NBEA: variants seen among roughly 807,000 people sequenced by gnomAD.
NBEA encodes lysosomal-trafficking regulator 2.
NBEA carries 44 observed loss-of-function variants against 343.4 expected under a neutral mutation model. The observed-to-expected ratio is 0.13, with a 90% CI of 0.10 to 0.16. The LOEUF (loss-of-function observed/expected upper bound fraction) is 0.16. NBEA is among the 10% of genes least tolerant of loss of function. The pLI, the probability that NBEA is intolerant of heterozygous loss-of-function variation, is 1.00. For missense variants in NBEA, 2,555 were observed against 3,631.3 expected, an observed-to-expected ratio of 0.70 and a Z score of 7.62; for synonymous variants, 1,175 against 1,238.7, an observed-to-expected ratio of 0.95 and a Z score of 1.08.
chr13:35,653,032 A>C (rs537512506), intron 53 of NBEA, among the ~76,000 whole-genome samples: 1 of 151,926 alleles, frequency 6.6e-6, no homozygotes. Context: ...TTTTAAACTG[A>C]CATGTTGTAA....
Position 35,354,798 on chromosome 13 carries a change from C to G in NBEA, c.6179+2475C>G, listed in dbSNP as rs533861319. Among the ~76,000 whole-genome samples, 15 of 152,194 alleles carry G rather than the reference C, an allele frequency of 9.9e-5. No homozygotes were observed. The East Asian group carries it at 2.9e-3, about 29-fold the overall frequency. On this transcript the variant is annotated intron_variant, in intron 38 of 58. Coordinates refer to ENST00000379939, the MANE Select transcript of NBEA (RefSeq NM_001385012.1). The stretch of plus-strand genomic sequence containing the variant: ...TATCTAGTCCCATGATTTAAAAATA[C>G]TACTAATATGTTGATAACTCCAAAA...
chr13:35,267,065 T>C (rs987307333), intron 34 of NBEA, among the ~76,000 whole-genome samples: 10 of 152,078 alleles, frequency 6.6e-5, no homozygotes, highest in African/African-American at 2.4e-4. Context: ...AGTGGATCAC[T>C]ATAAAGGTCT....
At chr13:34,976,385 G>A (rs534316377) in intron 1 of NBEA, among the ~76,000 whole-genome samples, 22 of 152,190 alleles carry the variant, frequency 1.4e-4, no homozygotes, top group African/African-American at 5.3e-4. Context: ...GGACACAAAG[G>A]CCTAAGAATG....
chr13:35,121,042 A>G (rs1487450161), intron 16 of NBEA, among the ~76,000 whole-genome samples: 1 of 151,588 alleles, frequency 6.6e-6, no homozygotes, highest in Non-Finnish European at 1.5e-5. Flanking sequence ...GACAATAGAA[A>G]CTCTGTGAGA....
At chr13:35,249,658 A>T (rs1486878916) in intron 34 of NBEA, among the ~76,000 whole-genome samples, 99 of 152,350 alleles carry the variant, frequency 6.5e-4, no homozygotes, top group African/African-American at 2.3e-3. Flanking sequence ...TATGGAAAAC[A>T]GTATGGCATT....
chr13:35,090,057 T>TAATAAAATA (rs1208023120), intron 10 of NBEA, among the ~76,000 whole-genome samples: 1 of 147,962 alleles, frequency 6.8e-6, no homozygotes, highest in Non-Finnish European at 1.5e-5. Flanking sequence ...ACTTAAAGTA[T>TAATAAAATA]AATAAAATAA....
At chr13:35,188,272 A>C (rs1033421166) in intron 30 of NBEA, among the ~76,000 whole-genome samples, 18 of 150,478 alleles carry the variant, frequency 1.2e-4, no homozygotes, top group African/African-American at 4.2e-4. Context: ...TTGTGGTAAG[A>C]ATGTTTAAAG....
At chr13:34,997,761 G>A (rs2060987534) in intron 1 of NBEA, among the ~76,000 whole-genome samples, 1 of 152,126 alleles carries the variant, frequency 6.6e-6, no homozygotes. Context: ...ATTCATTGTT[G>A]TAATTTCAGG....
chr13:34,967,597 T>A (rs997285008), intron 1 of NBEA, among the ~76,000 whole-genome samples: 4 of 152,008 alleles, frequency 2.6e-5, no homozygotes, highest in African/African-American at 9.7e-5. Context: ...GGTAGTGTGT[T>A]AGAGATATGG....
chr13:35,549,839 G>C (rs935288316), intron 41 of NBEA, among the ~76,000 whole-genome samples: 1 of 152,172 alleles, frequency 6.6e-6, no homozygotes, highest in Admixed American at 6.5e-5. Flanking sequence ...TTAGACCATG[G>C]GTCAGCCAAA....
chr13:35,659,630 C>T (rs1469830109), intron 55 of NBEA, among the ~76,000 whole-genome samples: 2 of 152,138 alleles, frequency 1.3e-5, no homozygotes, highest in African/African-American at 4.8e-5. Flanking sequence ...TATTTGTAAG[C>T]AGACTATCAG....
Position 35,178,019 on chromosome 13 carries a change from A to G in NBEA, c.4662+916A>G, listed in dbSNP as rs546519205. Among the ~76,000 whole-genome samples, 11 of 151,890 alleles carry G rather than the reference A, an allele frequency of 7.2e-5. No individual in the cohort carries two copies. The East Asian group carries it at 2.1e-3, about 29-fold the overall frequency. Reference sequence around the variant, plus strand: ...AAAATGCTAGGAAAATTCCAAACATACCAACAGAAAAATAGGCAATGGACA... The same window carrying G: ...AAAATGCTAGGAAAATTCCAAACATGCCAACAGAAAAATAGGCAATGGACA... On this transcript the variant is annotated intron_variant, in intron 28 of 58. Transcript: ENST00000379939.
intron 39 of NBEA, among the ~76,000 whole-genome samples, chr13:35,443,720 G>A (rs1041334447): frequency 4.6e-5 from 7 of 151,936 alleles, no homozygotes; most frequent in African/African-American, 1.7e-4. Flanking sequence ...TTCTGACTCA[G>A]TATCAGGTAT....
intron 36 of NBEA, among the ~76,000 whole-genome samples, chr13:35,325,971 T>C (rs1257054629): frequency 6.6e-6 from 1 of 152,078 alleles, no homozygotes; most frequent in East Asian, 1.9e-4. Flanking sequence ...CCTGTAGGTG[T>C]ACAGCTTTAT....
intron 49 of NBEA, among the ~76,000 whole-genome samples, chr13:35,640,992 A>G (rs2083920375): frequency 6.6e-6 from 1 of 152,008 alleles, no homozygotes; most frequent in African/African-American, 2.4e-5. Flanking sequence ...TCAGCAAACA[A>G]TTTTATAATC....
intron 11 of NBEA, among the ~76,000 whole-genome samples, 152 bp from the exon 12 acceptor site, chr13:35,109,138 A>G (rs553075247): frequency 6.6e-6 from 1 of 152,272 alleles, no homozygotes; most frequent in South Asian, 2.1e-4. Context: ...AGATCTCTTA[A>G]AGTTATATTT....
chr13:35,382,025 T>A (rs554740476), intron 38 of NBEA, among the ~76,000 whole-genome samples: 140 of 152,240 alleles, frequency 9.2e-4, no homozygotes, highest in African/African-American at 3.1e-3. Context: ...TAGGCATTCA[T>A]GTCATATGAT....
At chr13:35,111,721 C>A (rs1187445667) in intron 13 of NBEA, among the ~76,000 whole-genome samples, 1 of 151,776 alleles carries the variant, frequency 6.6e-6, no homozygotes, top group African/African-American at 2.4e-5. Context: ...TATGTGTTTA[C>A]CTCCATCTTT....
chr13:35,670,660 C>T lies in NBEA; in HGVS notation c.8814-241C>T, dbSNP rs534287499. Among the ~76,000 whole-genome samples the T allele has an allele frequency of 3.3e-5, 5 of 152,316 alleles. No homozygotes were observed. The East Asian group carries it at 9.7e-4, about 29-fold the overall frequency. ...AGGCTGGAAATGTGGTTCCGTGGGC[C>T]CCTCACGCTCTGCAGCAGGGCTGGC... On this transcript the variant is annotated intron_variant, in intron 58 of 58. Transcript: ENST00000379939.
Sources: allele counts gnomAD v4.1 joint callset (sites outside exome capture counted in the v4.1 genomes callset), GRCh38; gene constraint gnomAD v4.1.1; transcripts MANE v1.5; gene names NCBI Gene and HGNC (gene_info 2026-07-23, HGNC 2026-07-21).